The following RNF216 variants were observed in gnomAD, a reference collection of about 807,000 sequenced individuals.
RNF216 encodes ring finger protein 216, also known as E3 ubiquitin-protein ligase RNF216.
A neutral mutation model predicts 110.8 loss-of-function variants in RNF216; 72 were observed. That is an observed-to-expected ratio of 0.65 (90% CI 0.54 to 0.79). The LOEUF (loss-of-function observed/expected upper bound fraction) is 0.79, where lower values mean the gene tolerates loss of function less well. Ranked by LOEUF, RNF216 falls within the 30% of genes least tolerant of loss-of-function variation. The pLI is 0.00. For missense variants in RNF216, 1,342 were observed against 1,141.2 expected (o/e 1.18, Z -2.54); for synonymous variants, 495 against 407.5 (o/e 1.21, Z -2.59).
At chr7:5,647,933 C>G (rs1788150695) in intron 14 of RNF216, among the ~76,000 whole-genome samples, 1 of 152,092 alleles carries the variant, frequency 6.6e-6, no homozygotes, top group Non-Finnish European at 1.5e-5. Flanking sequence ...TGCCCTGTAG[C>G]CACCAAAATC....
chr7:5,730,887 A>G, intron 5 of RNF216, 70 bp from the exon 6 acceptor site: 3 of 1,577,980 alleles, frequency 1.9e-6, no homozygotes, highest in Non-Finnish European at 2.6e-6. Flanking sequence ...TTCAAATGCA[A>G]TGGTTGAAGA....
intron 7 of RNF216, 108 bp downstream of exon 7, chr7:5,729,324 T>C: frequency 1.9e-6 from 2 of 1,042,880 alleles, no homozygotes; most frequent in Non-Finnish European, 2.9e-6. Flanking sequence ...ATAAATTCCT[T>C]AGCAATCATA....
At chr7:5,712,168 C>G (rs1210233658) in intron 12 of RNF216, among the ~76,000 whole-genome samples, 3 of 152,152 alleles carry the variant, frequency 2.0e-5, no homozygotes, top group Non-Finnish European at 2.9e-5. Flanking sequence ...TTGGGGGTGC[C>G]AAGATATGTA....
Position 5,621,356 on chromosome 7 carries a change from T to C in RNF216, c.*1504A>G, listed in dbSNP as rs371780795. The C allele has an allele frequency of 6.6e-6, 1 of 152,150 alleles. No homozygotes were observed. The highest frequency in any genetic ancestry group is 6.5e-5 in the Admixed American group (1 of 15,270). 9.4% of individuals were successfully genotyped at this position (152,150 alleles called of 1,614,324 possible). A position where few individuals can be genotyped will look rare whatever the true frequency, so the allele number is the denominator to read the frequency against. On this transcript the variant is annotated 3_prime_UTR_variant, in exon 17 of 17. Coordinates refer to ENST00000389902, the MANE Select transcript of RNF216 (RefSeq NM_207111.4). ...TGTCCGGCTAATTTTGTATTTTTAG[T>C]AGAGACGGGGACTCAAACTCCCGAC...
At chr7:5,776,976 G>A (rs1796821591) in intron 1 of RNF216, among the ~76,000 whole-genome samples, 1 of 151,626 alleles carries the variant, frequency 6.6e-6, no homozygotes, top group African/African-American at 2.4e-5. Flanking sequence ...AAAAGAAAGT[G>A]AAAGAAAGGA....
chr7:5,665,612 GGA>G lies in RNF216; in HGVS notation c.2062-13104_2062-13103del, dbSNP rs1789457235. 2.0e-5 allele frequency among the ~76,000 whole-genome samples: 3 copies of G among 151,986 alleles called. No homozygotes were observed. In the South Asian group the frequency reaches 6.3e-4, roughly 32 times the overall value. On this transcript the variant is annotated intron_variant, in intron 13 of 16. Coordinates refer to ENST00000389902, the MANE Select transcript of RNF216 (RefSeq NM_207111.4). ...CCGAGACACCAGCTTGACTGCTCTG[GGA>G]GAGACCACACATAGCTGCCGGCTTT...
chr7:5,770,070 G>A (rs1362067407), intron 1 of RNF216, among the ~76,000 whole-genome samples: 2 of 148,714 alleles, frequency 1.3e-5, no homozygotes, highest in Non-Finnish European at 3.0e-5. Context: ...AAATCGGCTG[G>A]GCGTGGTGGC....
At chr7:5,673,468 A>G (rs893860959) in intron 13 of RNF216, among the ~76,000 whole-genome samples, 1 of 152,242 alleles carries the variant, frequency 6.6e-6, no homozygotes, top group South Asian at 2.1e-4. Flanking sequence ...CAAAGGCTCT[A>G]GAAGCCACTG....
chr7:5,625,245 A>T (rs935919063), intron 15 of RNF216, among the ~76,000 whole-genome samples: 2 of 152,218 alleles, frequency 1.3e-5, no homozygotes, highest in Non-Finnish European at 2.9e-5. Context: ...GAGGTCCTCC[A>T]GGAGTTGAGA....
chr7:5,755,243 G>GAAGGGAGGGAAGGATGA (rs1795571555), intron 2 of RNF216, among the ~76,000 whole-genome samples: 1 of 1,514 alleles, frequency 6.6e-4, no homozygotes, highest in Non-Finnish European at 1.8e-3. Flanking sequence ...AGGATGAAAG[G>GAAGGGAGGGAAGGATGA]AAGGAAGGAA....
chr7:5,759,733 G>C (rs1795835168), intron 2 of RNF216, among the ~76,000 whole-genome samples: 1 of 150,386 alleles, frequency 6.6e-6, no homozygotes, highest in African/African-American at 2.4e-5. Context: ...CCAGGTTCAA[G>C]TGATTCTCCT....
chr7:5,721,718 T>A (rs576555030), intron 8 of RNF216, among the ~76,000 whole-genome samples: 14 of 152,358 alleles, frequency 9.2e-5, no homozygotes, highest in African/African-American at 3.4e-4. Context: ...GTTTTTAATT[T>A]TAGCCATTCT....
At chr7:5,683,455 A>C (rs1238824955) in intron 13 of RNF216, among the ~76,000 whole-genome samples, 1 of 152,158 alleles carries the variant, frequency 6.6e-6, no homozygotes. Context: ...ACTGCTCACC[A>C]CATCCTGAGG....
At chr7:5,653,319 G>C (rs529361553) in intron 13 of RNF216, among the ~76,000 whole-genome samples, 1 of 152,014 alleles carries the variant, frequency 6.6e-6, no homozygotes, top group Non-Finnish European at 1.5e-5. Context: ...AGCCAGGCGC[G>C]GTGGCTCACA....
chr7:5,684,171 T>G lies in RNF216; in HGVS notation c.2061+27590A>C, dbSNP rs141782937. On this transcript the variant is annotated intron_variant, in intron 13 of 16. Transcript: ENST00000389902. ...AGGCTGGAGTGCAGTGGCGTGATCT[T>G]GGCTCACTGCAAGCTCCACCTTCCA... Among the ~76,000 whole-genome samples, 870 of 144,622 alleles carry G rather than the reference T, an allele frequency of 6.0e-3. 10 individuals carry two copies. Among genetic ancestry groups the G allele is most frequent in the African/African-American group, 0.022 (824 of 38,178 alleles). 94.9% of individuals were successfully genotyped at this position (144,622 alleles called of 152,430 possible). A position where few individuals can be genotyped will look rare whatever the true frequency, so the allele number is the denominator to read the frequency against.
In RNF216 at chr7:5,712,701, GC is replaced by G; in HGVS notation, c.1982+13del. The G allele has an allele frequency of 6.2e-7, 1 of 1,613,916 alleles. No homozygotes were observed. Reference sequence around the variant, plus strand: ...GAAGAGTTGGCAGATGGCACGCTCTGCCTGAGAACGAACCTGACAAGCTCGT... The same window carrying G: ...GAAGAGTTGGCAGATGGCACGCTCTGCTGAGAACGAACCTGACAAGCTCGT... On this transcript the variant is annotated intron_variant, in intron 12 of 16. Coordinates refer to ENST00000389902, the MANE Select transcript of RNF216 (RefSeq NM_207111.4).
chr7:5,695,958 G>T (rs1220178783), intron 13 of RNF216, among the ~76,000 whole-genome samples: 2 of 152,210 alleles, frequency 1.3e-5, no homozygotes, highest in Admixed American at 1.3e-4. Context: ...CCAAGGAACA[G>T]ACTTCATTTC....
chr7:5,728,953 T>G (rs1207749211), intron 7 of RNF216, among the ~76,000 whole-genome samples: 1 of 152,140 alleles, frequency 6.6e-6, no homozygotes, highest in Admixed American at 6.6e-5. Flanking sequence ...AACCAAGGCC[T>G]TTAAGTGCCA....
chr7:5,675,790 A>G (rs1304627940), intron 13 of RNF216, among the ~76,000 whole-genome samples: 10 of 149,370 alleles, frequency 6.7e-5, no homozygotes, highest in African/African-American at 2.0e-4. Context: ...GCTCACTGAA[A>G]CCTCCGCCTC....
Sources: allele counts gnomAD v4.1 joint callset (sites outside exome capture counted in the v4.1 genomes callset), GRCh38; gene constraint gnomAD v4.1.1; transcripts MANE v1.5; gene names NCBI Gene and HGNC (gene_info 2026-07-23, HGNC 2026-07-21).